Variants in TCERG1L observed in about 807,000 individuals in gnomAD.
The protein encoded by TCERG1L is transcription elongation regulator 1-like protein.
A neutral mutation model predicts 56.3 loss-of-function variants in TCERG1L; 37 were observed. The observed-to-expected ratio is 0.66, with a 90% CI of 0.51 to 0.87. The LOEUF is 0.87. Ranked by LOEUF, TCERG1L falls within the 40% of genes least tolerant of loss-of-function variation. The pLI is 0.00. For synonymous variants in TCERG1L, 324 were observed against 326.3 expected (o/e 0.99, Z 0.08); for missense variants, 799 against 774.2 (o/e 1.03, Z -0.38).
At chr10:131,271,234 T>C (rs1846337390) in intron 3 of TCERG1L, among the ~76,000 whole-genome samples, 1 of 151,716 alleles carries the variant, frequency 6.6e-6, no homozygotes, top group South Asian at 2.1e-4. Context: ...AGAGGGACAG[T>C]AGGGTGGGAG....
intron 4 of TCERG1L, among the ~76,000 whole-genome samples, chr10:131,194,478 A>G (rs1208920720): frequency 6.6e-6 from 1 of 152,198 alleles, no homozygotes; most frequent in Non-Finnish European, 1.5e-5. Flanking sequence ...GGTTTGTGAC[A>G]TGCTGTTCTC....
At chr10:131,298,292 C>A (rs1371947829) in intron 3 of TCERG1L, among the ~76,000 whole-genome samples, 4 of 151,998 alleles carry the variant, frequency 2.6e-5, no homozygotes, top group African/African-American at 9.7e-5. Context: ...TCCACTGTCA[C>A]TTTTTCTTTG....
intron 3 of TCERG1L, among the ~76,000 whole-genome samples, chr10:131,284,419 A>G (rs1203776776): frequency 3.3e-5 from 5 of 152,076 alleles, no homozygotes; most frequent in African/African-American, 1.2e-4. Context: ...TGTATTAAAG[A>G]GAAAGGGATA....
At chr10:131,138,891 T>C (rs1391749687) in intron 7 of TCERG1L, among the ~76,000 whole-genome samples, 3 of 152,224 alleles carry the variant, frequency 2.0e-5, no homozygotes, top group East Asian at 3.8e-4. Flanking sequence ...ACTTGTTCTA[T>C]GGCAAAAAAA....
At position 131,118,472 on chromosome 10, in the gene TCERG1L, G is replaced by C. The variant is rs191224251; in HGVS notation, c.1260-1538C>G. 1.4e-4 allele frequency among the ~76,000 whole-genome samples: 22 copies of C among 152,180 alleles called. No individual in the cohort carries two copies. In the East Asian group the frequency reaches 3.9e-3, roughly 27 times the overall value. On this transcript the variant is annotated intron_variant, in intron 8 of 11. Transcript: ENST00000368642. This position sits in a 1 kb window ranked among gnomAD's most constrained non-coding sequence, Gnocchi z 4.2. ...GATTCTGAACTTCATGCTCACCTTT[G>C]CATTGCCCAATGTGAGCAACGGTCC...
intron 3 of TCERG1L, among the ~76,000 whole-genome samples, chr10:131,270,981 G>A (rs951970699): frequency 2.0e-5 from 3 of 152,124 alleles, no homozygotes; most frequent in Non-Finnish European, 2.9e-5. Context: ...AGACTCTCCT[G>A]GGCCTCACTA....
chr10:131,219,702 G>T lies in TCERG1L; in HGVS notation c.856+40557C>A, dbSNP rs111653772. ...GAGGGGCTTCCCCTCGAAGCTCACC[G>T]CGGCATCCCTGGGGCGTTCGGGGCT... On this transcript the variant is annotated intron_variant, in intron 4 of 11. Transcript: ENST00000368642. Among the ~76,000 whole-genome samples, 722 of 152,308 alleles carry T rather than the reference G, an allele frequency of 4.7e-3. 2 individuals carry two copies. The highest frequency in any genetic ancestry group is 0.016 in the African/African-American group (683 of 41,580).
chr10:131,122,041 G>A (rs910500321), intron 8 of TCERG1L, among the ~76,000 whole-genome samples: 11 of 152,186 alleles, frequency 7.2e-5, no homozygotes, highest in African/African-American at 2.2e-4. Context: ...ACAAGTGACC[G>A]CACCGTGCCA....
chr10:131,213,119 C>T (rs1380130992), intron 4 of TCERG1L, among the ~76,000 whole-genome samples: 3 of 152,222 alleles, frequency 2.0e-5, no homozygotes, highest in Admixed American at 6.5e-5. Flanking sequence ...TGTTGGCCAC[C>T]CAGGGCTGAG....
chr10:131,140,818 G>C (rs1845729121), intron 7 of TCERG1L, among the ~76,000 whole-genome samples: 1 of 152,186 alleles, frequency 6.6e-6, no homozygotes, highest in Non-Finnish European at 1.5e-5. Context: ...CAGGGCAGCA[G>C]GGTCCTGTGG....
chr10:131,119,446 C>T (rs1845491806), intron 8 of TCERG1L, among the ~76,000 whole-genome samples: 1 of 152,190 alleles, frequency 6.6e-6, no homozygotes, highest in African/African-American at 2.4e-5. Context: ...CCAATTGTAT[C>T]ATATTCCAAA....
intron 4 of TCERG1L, among the ~76,000 whole-genome samples, chr10:131,255,213 A>G (rs1019198089): frequency 6.6e-6 from 1 of 152,206 alleles, no homozygotes; most frequent in Non-Finnish European, 1.5e-5. Context: ...AAGGTGTTAT[A>G]TGACTTCATA....
chr10:131,289,225 T>C (rs1023388870), intron 3 of TCERG1L, among the ~76,000 whole-genome samples: 2 of 152,098 alleles, frequency 1.3e-5, no homozygotes, highest in African/African-American at 4.8e-5. Flanking sequence ...GTTATCTTCA[T>C]TTCGTGAGCG....
intron 3 of TCERG1L, among the ~76,000 whole-genome samples, chr10:131,298,782 T>C (rs1846725457): frequency 6.6e-6 from 1 of 152,264 alleles, no homozygotes; most frequent in Non-Finnish European, 1.5e-5. Flanking sequence ...GAATGTTTCC[T>C]GTGCAGATAA....
intron 4 of TCERG1L, among the ~76,000 whole-genome samples, chr10:131,180,069 G>A (rs1845154074): frequency 1.3e-5 from 2 of 152,214 alleles, no homozygotes; most frequent in African/African-American, 4.8e-5. Context: ...TCCTGGTCTG[G>A]CAGGCAGGTA....
intron 4 of TCERG1L, among the ~76,000 whole-genome samples, chr10:131,203,313 T>TAAAAAAAAAAAAAAAAAA (rs1316329338): frequency 2.6e-5 from 1 of 39,074 alleles, no homozygotes; most frequent in African/African-American, 1.0e-4. Context: ...AGACTCCGTC[T>TAAAAAAAAAAAAAAAAAA]CAAAAAAAAA....
At chr10:131,309,353 C>T in intron 1 of TCERG1L, 54 bp from the exon 2 acceptor site, 1 of 1,547,880 alleles carries the variant, frequency 6.5e-7, no homozygotes, top group South Asian at 1.2e-5. Flanking sequence ...ATCCACTCGA[C>T]TTCATGCCAA....
In TCERG1L at chr10:131,257,115, G is replaced by A. The variant is rs372869524; in HGVS notation, c.856+3144C>T. Among the ~76,000 whole-genome samples, 13 of 152,074 alleles carry A rather than the reference G, an allele frequency of 8.5e-5. No individual in the cohort carries two copies. In the South Asian group the frequency reaches 1.0e-3, roughly 12 times the overall value. On this transcript the variant is annotated intron_variant, in intron 4 of 11. Transcript: ENST00000368642. ...AGTGGAACAGGAGCAGGCTCTGCCC[G>A]GCCTATCAACGCTCAGAAGGGAGCG...
intron 4 of TCERG1L, among the ~76,000 whole-genome samples, chr10:131,256,984 GGAAGGAAGGAAAGAAAGAAAGAAA>G (rs1432992432): frequency 0.012 from 1,078 of 88,284 alleles, 4 homozygotes; most frequent in Middle Eastern, 0.026. Flanking sequence ...AAGGAAGGAA[GGAAGGAAGGAAAGAAAGAAAGAAA>G]GAAAGAAAGA....
Sources: gnomAD v4.1 joint callset for allele counts (sites outside exome capture counted in the v4.1 genomes callset) on GRCh38, gnomAD v4.1.1 for gene constraint, Gnocchi (gnomAD v3.1) non-coding constraint, MANE v1.5 for transcripts, NCBI Gene and HGNC (gene_info 2026-07-23, HGNC 2026-07-21) for gene names.